DNAJC3: variants seen among roughly 807,000 people sequenced by gnomAD.
The protein encoded by DNAJC3 is dnaJ homolog subfamily C member 3.
DNAJC3 carries 38 observed loss-of-function variants against 68.6 expected under a neutral mutation model. That is an observed-to-expected ratio of 0.55 (90% CI 0.43 to 0.73). DNAJC3 has a LOEUF of 0.73. DNAJC3 is among the 30% of genes least tolerant of loss of function. The pLI, the probability that DNAJC3 is intolerant of heterozygous loss-of-function variation, is 0.00. For synonymous variants in DNAJC3, 203 were observed against 204.0 expected (o/e 1.00, Z 0.04); for missense variants, 526 against 591.9 (o/e 0.89, Z 1.16).
intron 1 of DNAJC3, among the ~76,000 whole-genome samples, chr13:95,699,453 T>G (rs1002356905): frequency 1.3e-5 from 2 of 152,178 alleles, no homozygotes. Context: ...CCCTTTAGAT[T>G]TCAGGTTCAT....
Position 95,677,230 on chromosome 13 carries a change from T to G in DNAJC3, c.-26T>G, listed in dbSNP as rs1470014833. 8 of 1,597,206 alleles carry G rather than the reference T, an allele frequency of 5.0e-6. No individual in the cohort carries two copies. The highest frequency in any genetic ancestry group is 6.0e-6 in the Non-Finnish European group (7 of 1,173,426). ...GTGCTGGTGGGCCACACACCTTTCC[T>G]CCTCTTCACTCGCGAGCCCTCGGAC... On this transcript the variant is annotated 5_prime_UTR_variant, in exon 1 of 12. Coordinates refer to ENST00000602402, the MANE Select transcript of DNAJC3 (RefSeq NM_006260.5).
intron 4 of DNAJC3, among the ~76,000 whole-genome samples, chr13:95,736,283 T>G (rs941510467): frequency 2.0e-5 from 3 of 152,126 alleles, no homozygotes; most frequent in African/African-American, 7.2e-5. Flanking sequence ...TCTTTTGGCT[T>G]AGGTTTGACT....
chr13:95,691,790 C>T (rs1880270619), intron 1 of DNAJC3, among the ~76,000 whole-genome samples: 1 of 152,234 alleles, frequency 6.6e-6, no homozygotes, highest in African/African-American at 2.4e-5. Context: ...AACGAGACTC[C>T]CTCTGCAATC....
At position 95,677,199 on chromosome 13, in the gene DNAJC3, C is replaced by T; in HGVS notation, c.-57C>T. 3 of 1,527,398 alleles carry T rather than the reference C, an allele frequency of 2.0e-6. No homozygotes were observed. The highest frequency in any genetic ancestry group is 2.5e-5 in the East Asian group (1 of 39,754). The allele number at this position is 1,527,398 out of a possible 1,614,324, so 94.6% of individuals were successfully genotyped here. A position where few individuals can be genotyped will look rare whatever the true frequency, so the allele number is the denominator to read the frequency against. On this transcript the variant is annotated 5_prime_UTR_variant, in exon 1 of 12. Transcript: ENST00000602402. ...GCGGGCGCAGCTGCTGCCGGAGCGCCGGCGCGTGCTGGTGGGCCACACACC... is the reference window on the plus strand; with the variant it reads ...GCGGGCGCAGCTGCTGCCGGAGCGCTGGCGCGTGCTGGTGGGCCACACACC...
chr13:95,749,734 A>G (rs1038680555), intron 4 of DNAJC3, among the ~76,000 whole-genome samples: 2 of 151,834 alleles, frequency 1.3e-5, no homozygotes, highest in Non-Finnish European at 2.9e-5. Flanking sequence ...TCTGAGTCAC[A>G]GCATAAAGTG....
At position 95,754,690 on chromosome 13, in the gene DNAJC3, G is replaced by A. The variant is rs73554912; in HGVS notation, c.394-2954G>A. Among the ~76,000 whole-genome samples, 1,505 of 152,162 alleles carry A rather than the reference G, an allele frequency of 9.9e-3. 21 individuals are homozygous for A. Among genetic ancestry groups the A allele is most frequent in the African/African-American group, 0.031 (1,289 of 41,514 alleles). ...CTACTGAAAACAGAAAAAATTAGCCGGGTTATTCTGTTTGTTAAAAGGAGT... is the reference window on the plus strand; with the variant it reads ...CTACTGAAAACAGAAAAAATTAGCCAGGTTATTCTGTTTGTTAAAAGGAGT... On this transcript the variant is annotated intron_variant, in intron 4 of 11. Transcript: ENST00000602402.
intron 9 of DNAJC3, among the ~76,000 whole-genome samples, chr13:95,772,923 G>A (rs1883193464): frequency 6.6e-6 from 1 of 152,046 alleles, no homozygotes; most frequent in Non-Finnish European, 1.5e-5. Flanking sequence ...AGGGATAATT[G>A]CTCTGTAACT....
At chr13:95,768,456 T>C (rs1883069085) in intron 9 of DNAJC3, among the ~76,000 whole-genome samples, 1 of 152,198 alleles carries the variant, frequency 6.6e-6, no homozygotes. Context: ...CAGCTGTTAT[T>C]GAAGTGTTAC....
chr13:95,737,408 C>T (rs1302371006), intron 4 of DNAJC3, among the ~76,000 whole-genome samples: 6 of 151,764 alleles, frequency 4.0e-5, no homozygotes, highest in East Asian at 3.9e-4. Flanking sequence ...ACCAGTTCCT[C>T]CTTGTACCTC....
intron 2 of DNAJC3, among the ~76,000 whole-genome samples, chr13:95,712,051 A>C (rs2139629730): frequency 6.6e-6 from 1 of 152,340 alleles, no homozygotes; most frequent in South Asian, 2.1e-4. Context: ...TATTATAAGG[A>C]TGTAAATTTG....
At chr13:95,730,769 A>G (rs887074290) in intron 4 of DNAJC3, among the ~76,000 whole-genome samples, 3 of 152,124 alleles carry the variant, frequency 2.0e-5, no homozygotes, top group African/African-American at 7.2e-5. Flanking sequence ...CTTTTTGCTC[A>G]GGATTGCTTT....
At position 95,698,743 on chromosome 13, in the gene DNAJC3, G is replaced by C. The variant is rs1368023764; in HGVS notation, c.83-10484G>C. ...ATTTCTCTGGTGGGCAAGTGTGGGAGACCATTTTATGTAATAGCAAATGCA... is the reference window on the plus strand; with the variant it reads ...ATTTCTCTGGTGGGCAAGTGTGGGACACCATTTTATGTAATAGCAAATGCA... On this transcript the variant is annotated intron_variant, in intron 1 of 11. Transcript: ENST00000602402. Among the ~76,000 whole-genome samples the C allele has an allele frequency of 3.9e-5, 6 of 152,192 alleles. No individual in the cohort carries two copies. In the East Asian group the frequency reaches 1.2e-3, roughly 29 times the overall value.
chr13:95,747,038 G>T (rs1417896018), intron 4 of DNAJC3, among the ~76,000 whole-genome samples: 1 of 151,966 alleles, frequency 6.6e-6, no homozygotes, highest in Non-Finnish European at 1.5e-5. Flanking sequence ...TTAAATTTAG[G>T]CAGTTTTCCA....
chr13:95,749,552 G>A (rs1490859630), intron 4 of DNAJC3, among the ~76,000 whole-genome samples: 1 of 152,150 alleles, frequency 6.6e-6, no homozygotes, highest in Non-Finnish European at 1.5e-5. Flanking sequence ...GCCATTGATT[G>A]AAGAGATTGA....
At chr13:95,754,892 C>G (rs547216036) in intron 4 of DNAJC3, among the ~76,000 whole-genome samples, 1 of 152,054 alleles carries the variant, frequency 6.6e-6, no homozygotes, top group Non-Finnish European at 1.5e-5. Flanking sequence ...GCCCCCATCC[C>G]GTAGCTATTA....
chr13:95,711,953 A>C (rs9561938), intron 2 of DNAJC3, among the ~76,000 whole-genome samples: 58 of 152,196 alleles, frequency 3.8e-4, no homozygotes, highest in Non-Finnish European at 1.5e-5. Context: ...AAAAATTCTG[A>C]AAAACATAAT....
intron 4 of DNAJC3, among the ~76,000 whole-genome samples, chr13:95,729,683 C>G (rs112716864): frequency 0.011 from 1,719 of 152,048 alleles, 34 homozygotes; most frequent in African/African-American, 0.04. Flanking sequence ...TATTTTTTGT[C>G]TTTTTATAGT....
intron 1 of DNAJC3, among the ~76,000 whole-genome samples, chr13:95,698,027 A>G (rs1038488626): frequency 5.3e-5 from 8 of 151,930 alleles, no homozygotes; most frequent in African/African-American, 1.9e-4. Flanking sequence ...TGGTACCTGA[A>G]TTCTTAATGC....
At position 95,677,303 on chromosome 13, in the gene DNAJC3, C is replaced by T. The variant is rs1377944972; in HGVS notation, c.48C>T (p.Pro16=). 6.2e-7 allele frequency: 1 copy of T among 1,600,758 alleles called. No individual in the cohort carries two copies. The highest frequency in any genetic ancestry group is 1.1e-5 in the South Asian group (1 of 89,310). The change falls in exon 1 of 12, where the codon CCC becomes CCT. Residue 16 remains proline, a synonymous_variant. Coordinates refer to ENST00000602402, the MANE Select transcript of DNAJC3 (RefSeq NM_006260.5). ...SVTSRLGSVF[P]FLLVLVDLQY... Reference sequence around the variant, plus strand: ...CCAGCCGGCTGGGCTCGGTATTCCCCTTCCTGCTAGTCCTGGTGGATCTGC... The same window carrying T: ...CCAGCCGGCTGGGCTCGGTATTCCCTTTCCTGCTAGTCCTGGTGGATCTGC...
Sources: gnomAD v4.1 joint callset for allele counts (sites outside exome capture counted in the v4.1 genomes callset) on GRCh38, gnomAD v4.1.1 for gene constraint, MANE v1.5 for transcripts, NCBI Gene and HGNC (gene_info 2026-07-23, HGNC 2026-07-21) for gene names.